Variants in GPRIN3 observed in about 807,000 individuals in gnomAD.
The protein encoded by GPRIN3 is GPRIN family member 3.
A neutral mutation model predicts 13.7 loss-of-function variants in GPRIN3; 12 were observed. That is an observed-to-expected ratio of 0.87 (90% CI 0.56 to 1.42). The LOEUF (loss-of-function observed/expected upper bound fraction) is 1.42, where lower values mean the gene tolerates loss of function less well. Among genes scored for constraint, GPRIN3 ranks in the 40% most tolerant of loss-of-function variants. The probability of loss-of-function intolerance (pLI) is 0.00; values close to 1 mark genes in which losing one functional copy is unlikely to be tolerated. For synonymous variants in GPRIN3, 377 were observed against 372.7 expected, an observed-to-expected ratio of 1.01 and a Z score of -0.13; for missense variants, 1,009 against 958.7, an observed-to-expected ratio of 1.05 and a Z score of -0.69.
chr4:89,299,986 C>T (rs1292367788), intron 1 of GPRIN3, among the ~76,000 whole-genome samples: 1 of 152,084 alleles, frequency 6.6e-6, no homozygotes, highest in Non-Finnish European at 1.5e-5. Flanking sequence ...TCATTTGCCA[C>T]TTGTCGTACA....
At chr4:89,270,586 TATATATATATATATAA>T (rs1478479005) in intron 1 of GPRIN3, among the ~76,000 whole-genome samples, 28 of 84,828 alleles carry the variant, frequency 3.3e-4, no homozygotes, top group African/African-American at 2.0e-3. Flanking sequence ...TATATATATA[TATATATATATATATAA>T]AATATAGATA....
rs921670957 is a variant in GPRIN3, at chr4:89,241,391, A to T, written c.*6389T>A. 6.6e-6 allele frequency: 1 copy of T among 152,218 alleles called. No individual in the cohort carries two copies. Among genetic ancestry groups the T allele is most frequent in the African/African-American group, 2.4e-5 (1 of 41,462 alleles). The allele number at this position is 152,218 out of a possible 1,614,324, so 9.4% of individuals were successfully genotyped here. On this transcript the variant is annotated 3_prime_UTR_variant, in exon 2 of 2. Transcript: ENST00000609438. Reference sequence around the variant, plus strand: ...TATTTTTTTTACACATAAAAATAGAAAACTGATCACTCAGACTGTACACAC... The same window carrying T: ...TATTTTTTTTACACATAAAAATAGATAACTGATCACTCAGACTGTACACAC...
chr4:89,249,680 T>C lies in GPRIN3; in HGVS notation c.431A>G (p.Asn144Ser). The change falls in exon 2 of 2, where the codon AAT (asparagine) becomes AGT (serine). Residue 144 changes from asparagine (N) to serine (S), a missense_variant. Physicochemically the swap from Asn to Ser is conservative, Grantham distance 46. Coordinates refer to ENST00000609438, the MANE Select transcript of GPRIN3 (RefSeq NM_198281.3). The part of the protein sequence containing the change: ...TCQSIPGDQP[N>S]AITSSMPEDS... Reference sequence around the variant, plus strand: ...TTCAGGCATGGATGAGGTGATGGCATTGGGCTGATCACCTGGGATGGACTG... The same window carrying C: ...TTCAGGCATGGATGAGGTGATGGCACTGGGCTGATCACCTGGGATGGACTG... The C allele has an allele frequency of 1.2e-6, 2 of 1,614,072 alleles. No homozygotes were observed. The highest frequency in any genetic ancestry group is 8.5e-7 in the Non-Finnish European group (1 of 1,179,940).
rs1276846319 is a variant in GPRIN3 at position 89,245,860 on chromosome 4, A to G, written c.*1920T>C. The G allele has an allele frequency of 6.6e-6, 1 of 152,170 alleles. No individual in the cohort carries two copies. Among genetic ancestry groups the G allele is most frequent in the Non-Finnish European group, 1.5e-5 (1 of 68,028 alleles). The allele number at this position is 152,170 out of a possible 1,614,324, so 9.4% of individuals were successfully genotyped here. On this transcript the variant is annotated 3_prime_UTR_variant, in exon 2 of 2. Coordinates refer to ENST00000609438, the MANE Select transcript of GPRIN3 (RefSeq NM_198281.3). ...GTAATTTGCTTGGTAATTTGATGGA[A>G]ATTTCAACATTACATAGTATTCTTA...
intron 1 of GPRIN3, among the ~76,000 whole-genome samples, chr4:89,271,702 T>C (rs750366650): frequency 1.3e-5 from 2 of 150,828 alleles, no homozygotes; most frequent in Non-Finnish European, 3.0e-5. Flanking sequence ...GGTAGTGGAG[T>C]AAAGGAGATG....
intron 1 of GPRIN3, among the ~76,000 whole-genome samples, chr4:89,279,892 T>C (rs569736218): frequency 6.6e-6 from 1 of 152,342 alleles, no homozygotes; most frequent in East Asian, 1.9e-4. Context: ...TATATGTTCA[T>C]AAATCTGAAA....
chr4:89,303,521 C>A (rs1316549891), intron 1 of GPRIN3, among the ~76,000 whole-genome samples: 1 of 152,024 alleles, frequency 6.6e-6, no homozygotes, highest in Admixed American at 6.6e-5. Context: ...CTTAAAGTAG[C>A]AGTATTAGGA....
rs1372106644 is a variant in GPRIN3 at position 89,249,874 on chromosome 4, A to G, written c.237T>C (p.Ser79=). Residue 79 remains serine (S), a synonymous_variant, in exon 2 of 2, where the codon TCT becomes TCC. Coordinates refer to ENST00000609438, the MANE Select transcript of GPRIN3 (RefSeq NM_198281.3). ...GCACTTCATTGAACACACCAGGAGA[A>G]GACATATCTGGTTGGGTGGTCTCAT... ...CEHETTQPDM[S]SPGVFNEVQK... is the part of the protein sequence containing the mutation. The G allele has an allele frequency of 1.2e-6, 2 of 1,614,208 alleles. No homozygotes were observed. Among genetic ancestry groups the G allele is most frequent in the Admixed American group, 3.3e-5 (2 of 60,028 alleles).
At chr4:89,269,356 T>C (rs1393391176) in intron 1 of GPRIN3, among the ~76,000 whole-genome samples, 1 of 152,140 alleles carries the variant, frequency 6.6e-6, no homozygotes, top group Non-Finnish European at 1.5e-5. Flanking sequence ...CAAATCACCA[T>C]GGTAGTATAT....
At chr4:89,272,864 T>C (rs1578095626) in intron 1 of GPRIN3, among the ~76,000 whole-genome samples, 1 of 152,244 alleles carries the variant, frequency 6.6e-6, no homozygotes, top group Non-Finnish European at 1.5e-5. Flanking sequence ...CAAATTGATA[T>C]GCATAGTGAC....
chr4:89,295,642 AGCAAGATTTAAAAAAAAAC>A, intron 1 of GPRIN3, among the ~76,000 whole-genome samples: 1 of 152,180 alleles, frequency 6.6e-6, no homozygotes, highest in East Asian at 1.9e-4. Flanking sequence ...GAAGAAAACA[AGCAAGATTTAAAAAAAAAC>A]AAGTGGTGGG....
At chr4:89,260,725 GC>G (rs1213992621) in intron 1 of GPRIN3, among the ~76,000 whole-genome samples, 1 of 152,016 alleles carries the variant, frequency 6.6e-6, no homozygotes, top group Non-Finnish European at 1.5e-5. Context: ...AGAAAAAGTT[GC>G]CCCTATGTAA....
Position 89,236,541 on chromosome 4 carries a change from C to T in GPRIN3, c.*11239G>A, listed in dbSNP as rs1722800045. ...ATATTTTGCCTATGCCATTTAATTC[C>T]CACAAATTTGCAAAGTGAGCATTGT... On this transcript the variant is annotated 3_prime_UTR_variant, in exon 2 of 2. Coordinates refer to ENST00000609438, the MANE Select transcript of GPRIN3 (RefSeq NM_198281.3). 1 of 151,946 alleles carries T rather than the reference C, an allele frequency of 6.6e-6. No homozygotes were observed. The highest frequency in any genetic ancestry group is 1.5e-5 in the Non-Finnish European group (1 of 67,956). 9.4% of individuals were successfully genotyped at this position (151,946 alleles called of 1,614,324 possible). A position where few individuals can be genotyped will look rare whatever the true frequency, so the allele number is the denominator to read the frequency against.
At chr4:89,262,125 CAAAAA>C (rs61290252) in intron 1 of GPRIN3, among the ~76,000 whole-genome samples, 3 of 53,818 alleles carry the variant, frequency 5.6e-5, no homozygotes. Flanking sequence ...GACCCAGTCT[CAAAAA>C]AAAAAAAAAA....
chr4:89,305,093 G>A (rs191013358), intron 1 of GPRIN3, among the ~76,000 whole-genome samples: 2 of 152,282 alleles, frequency 1.3e-5, no homozygotes, highest in Admixed American at 1.3e-4. Context: ...TGAGTTGGCA[G>A]GCCTTTTGGA....
At chr4:89,259,517 G>T in intron 1 of GPRIN3, among the ~76,000 whole-genome samples, 1 of 152,228 alleles carries the variant, frequency 6.6e-6, no homozygotes, top group Non-Finnish European at 1.5e-5. Context: ...GCATGTTTTT[G>T]CATTTGCATT....
At chr4:89,261,293 C>T (rs1157182430) in intron 1 of GPRIN3, among the ~76,000 whole-genome samples, 1 of 152,142 alleles carries the variant, frequency 6.6e-6, no homozygotes, top group Non-Finnish European at 1.5e-5. Flanking sequence ...CCCAGTAGTG[C>T]CCCTACTTCC....
intron 1 of GPRIN3, among the ~76,000 whole-genome samples, chr4:89,259,405 T>C (rs1439554903): frequency 1.3e-5 from 2 of 152,204 alleles, no homozygotes; most frequent in Admixed American, 1.3e-4. Flanking sequence ...AGGACTTCAA[T>C]TGCAAGCTTA....
intron 1 of GPRIN3, among the ~76,000 whole-genome samples, chr4:89,276,959 T>G (rs1164739625): frequency 6.6e-6 from 1 of 152,228 alleles, no homozygotes; most frequent in Non-Finnish European, 1.5e-5. Flanking sequence ...TATGCTGGTT[T>G]AGGCGGACCT....
Sources: gnomAD v4.1 joint callset for allele counts (sites outside exome capture counted in the v4.1 genomes callset) on GRCh38, gnomAD v4.1.1 for gene constraint, MANE v1.5 for transcripts, NCBI Gene and HGNC (gene_info 2026-07-23, HGNC 2026-07-21) for gene names.